Variants in DNAH9 observed in about 807,000 individuals in gnomAD.
DNAH9 encodes dynein axonemal heavy chain 9, also known as DNAH9 variant protein.
In DNAH9, 345 loss-of-function variants were observed where a neutral mutation model predicts 471.6. The observed-to-expected ratio is 0.73, with a 90% CI of 0.67 to 0.80. The LOEUF is 0.80. Ranked by LOEUF, DNAH9 falls within the 30% of genes least tolerant of loss-of-function variation. The pLI is 0.00. For missense variants in DNAH9, 5,407 were observed against 5,609.2 expected (o/e 0.96, Z 1.15); for synonymous variants, 2,093 against 2,123.6 (o/e 0.99, Z 0.40).
chr17:11,953,549 T>C (rs1975486795), intron 67 of DNAH9, among the ~76,000 whole-genome samples: 1 of 152,104 alleles, frequency 6.6e-6, no homozygotes, highest in African/African-American at 2.4e-5. Context: ...CGGTGGCTCA[T>C]GCCTGTAATC....
Position 11,843,602 on chromosome 17 carries a change from A to G in DNAH9, c.9507+8704A>G, listed in dbSNP as rs552877471. Among the ~76,000 whole-genome samples the G allele has an allele frequency of 4.0e-5, 6 of 151,770 alleles. No individual in the cohort carries two copies. In the South Asian group the frequency reaches 1.0e-3, roughly 26 times the overall value. On this transcript the variant is annotated intron_variant, in intron 49 of 68. Transcript: ENST00000262442. Reference sequence around the variant, plus strand: ...CATATTCATCTCTACTGTTATTAAAAGTTCTTATCATTTAACCAATTATTA... The same window carrying G: ...CATATTCATCTCTACTGTTATTAAAGGTTCTTATCATTTAACCAATTATTA...
rs1974962590 is a variant in DNAH9, at chr17:11,942,513, G to A, written c.12843+28G>A. ...GAGCGCGGTCTTGTAAGGCATGGAG[G>A]GGACATTGCTAGAGGACACAGATGG... On this transcript the variant is annotated intron_variant, in intron 67 of 68. Transcript: ENST00000262442. 5 of 1,601,072 alleles carry A rather than the reference G, an allele frequency of 3.1e-6. No individual in the cohort carries two copies. In the South Asian group the frequency reaches 4.5e-5, roughly 14 times the overall value.
chr17:11,637,251 A>G (rs1196631677), intron 9 of DNAH9, among the ~76,000 whole-genome samples: 1 of 152,188 alleles, frequency 6.6e-6, no homozygotes, highest in African/African-American at 2.4e-5. Flanking sequence ...CTCCATTTTT[A>G]TTATGATGCT....
chr17:11,769,310 C>T lies in DNAH9; in HGVS notation c.7533C>T (p.Thr2511=). Residue 2511 remains threonine, a synonymous_variant, in exon 38 of 69, where the codon ACC becomes ACT. Coordinates refer to ENST00000262442, the MANE Select transcript of DNAH9 (RefSeq NM_001372.4). ...LVKNVPFNYY[T]TSAMLQAVLE... ...AAAACGTGCCATTCAACTACTACAC[C>T]ACGTCAGCAATGCTGCAGGGTAAGC... is the stretch of plus-strand genomic sequence containing the variant. The T allele has an allele frequency of 6.2e-7, 1 of 1,613,110 alleles. No homozygotes were observed.
intron 24 of DNAH9, 47 bp from the exon 25 acceptor site, chr17:11,704,156 G>A (rs746244282): frequency 1.2e-6 from 2 of 1,608,322 alleles, no homozygotes; most frequent in Admixed American, 3.3e-5. Flanking sequence ...GGGTTGGTTG[G>A]AAACAGCCAT....
At chr17:11,936,267 A>G (rs999201664) in intron 65 of DNAH9, among the ~76,000 whole-genome samples, 3 of 152,214 alleles carry the variant, frequency 2.0e-5, no homozygotes, top group Non-Finnish European at 4.4e-5. Flanking sequence ...GGAATCGTCA[A>G]AATCATATCA....
At chr17:11,603,476 C>T (rs539852669) in intron 1 of DNAH9, among the ~76,000 whole-genome samples, 3 of 152,280 alleles carry the variant, frequency 2.0e-5, no homozygotes, top group East Asian at 1.9e-4. Flanking sequence ...CCATCCCATC[C>T]GTTGCTAGAG....
At chr17:11,922,425 A>C (rs1974167783) in intron 61 of DNAH9, among the ~76,000 whole-genome samples, 1 of 152,132 alleles carries the variant, frequency 6.6e-6, no homozygotes, top group Admixed American at 6.6e-5. Context: ...CTTTTATCTA[A>C]AGAATATTAT....
At chr17:11,670,310 G>A (rs1191343755) in intron 17 of DNAH9, among the ~76,000 whole-genome samples, 1 of 152,174 alleles carries the variant, frequency 6.6e-6, no homozygotes, top group Non-Finnish European at 1.5e-5. Flanking sequence ...ACCCAGCCCA[G>A]CACTAGGCTC....
At chr17:11,779,258 G>A (rs1009084096) in intron 38 of DNAH9, among the ~76,000 whole-genome samples, 11 of 152,086 alleles carry the variant, frequency 7.2e-5, no homozygotes, top group South Asian at 4.1e-4. Flanking sequence ...GAAGTGTGGC[G>A]AGAGGGTCAC....
At chr17:11,930,156 T>TA in intron 63 of DNAH9, 63 bp downstream of exon 63, 1 of 1,404,504 alleles carries the variant, frequency 7.1e-7, no homozygotes, top group East Asian at 2.4e-5. Flanking sequence ...TGCAAACTGG[T>TA]GGGGGGAGAG....
chr17:11,614,885 T>G (rs2150647323), intron 4 of DNAH9, among the ~76,000 whole-genome samples: 1 of 152,334 alleles, frequency 6.6e-6, no homozygotes, highest in South Asian at 2.1e-4. Flanking sequence ...GCACCAACTC[T>G]TAACACCATC....
At chr17:11,960,054 A>C (rs1382316179) in intron 67 of DNAH9, among the ~76,000 whole-genome samples, 4 of 152,190 alleles carry the variant, frequency 2.6e-5, no homozygotes, top group Admixed American at 2.6e-4. Flanking sequence ...TTACCAGTTT[A>C]TTTCTTATAA....
At chr17:11,873,115 A>T (rs1368250306) in intron 52 of DNAH9, among the ~76,000 whole-genome samples, 6 of 152,264 alleles carry the variant, frequency 3.9e-5, no homozygotes, top group African/African-American at 1.4e-4. Flanking sequence ...CGTAGTTTTT[A>T]AAATGCTAGC....
Position 11,797,637 on chromosome 17 carries a change from T to C in DNAH9, c.8264T>C (p.Leu2755Pro), listed in dbSNP as rs949035686. The C allele has an allele frequency of 6.2e-7, 1 of 1,614,002 alleles. No individual in the cohort carries two copies. The highest frequency in any genetic ancestry group is 8.5e-7 in the Non-Finnish European group (1 of 1,180,034). ...DPVEQTQSPNLYCHFANGIGE... is the reference protein window; with the variant it reads ...DPVEQTQSPNPYCHFANGIGE... ...GTGGAGCAGACCCAAAGCCCGAACC[T>C]GTATTGTCACTTTGCAAATGGTATT... Residue 2755 changes from leucine (L) to proline (P), a missense_variant, in exon 43 of 69, where the codon CTG (leucine) becomes CCG (proline). Around this residue, in one of 3 missense-constraint regions of DNAH9, gnomAD observed 4,636 missense variants for 4,900.3 expected, o/e 0.95. Transcript: ENST00000262442.
chr17:11,853,166 C>A (rs1394636956), intron 49 of DNAH9: 1 of 151,830 alleles, frequency 6.6e-6, no homozygotes, highest in Non-Finnish European at 1.5e-5. Flanking sequence ...CTGAGCCCTG[C>A]TTCTGGTATG....
At position 11,786,894 on chromosome 17, in the gene DNAH9, C is replaced by A. The variant is rs868037355; in HGVS notation, c.8061+2355C>A. ...TGAGGTCTGCATCCCAGCCAGGCGT[C>A]TTTGCAGCCTGCCAGCTGTCAGCTG... is the stretch of plus-strand genomic sequence containing the variant. On this transcript the variant is annotated intron_variant, in intron 41 of 68. Transcript: ENST00000262442. Among the ~76,000 whole-genome samples the A allele has an allele frequency of 3.3e-5, 5 of 152,316 alleles. No individual in the cohort carries two copies. In the South Asian group the frequency reaches 1.0e-3, roughly 32 times the overall value.
intron 33 of DNAH9, among the ~76,000 whole-genome samples, chr17:11,754,099 C>G (rs1210620316): frequency 6.6e-6 from 1 of 151,132 alleles, no homozygotes; most frequent in Non-Finnish European, 1.5e-5. Context: ...CATTAGTTTG[C>G]TAAGGTAATG....
rs375469036 is a variant in DNAH9, at chr17:11,938,510, A to T, written c.12660+988A>T. Among the ~76,000 whole-genome samples, 248 of 151,408 alleles carry T rather than the reference A, an allele frequency of 1.6e-3. 1 individual carries two copies. The Middle Eastern group carries it at 0.017, about 10-fold the overall frequency. ...CCACCAAAGGGAAATTTCTCCATGAATTTTTTTCTGAGACAAGCTAACCAA... is the reference window on the plus strand; with the variant it reads ...CCACCAAAGGGAAATTTCTCCATGATTTTTTTTCTGAGACAAGCTAACCAA... On this transcript the variant is annotated intron_variant, in intron 66 of 68. Coordinates refer to ENST00000262442, the MANE Select transcript of DNAH9 (RefSeq NM_001372.4).
Sources: allele counts gnomAD v4.1 joint callset (sites outside exome capture counted in the v4.1 genomes callset), GRCh38; gene constraint gnomAD v4.1.1; regional missense constraint gnomAD v4.1.1; transcripts MANE v1.5; gene names NCBI Gene and HGNC (gene_info 2026-07-23, HGNC 2026-07-21).